C19orf18: variants seen among roughly 807,000 people sequenced by gnomAD.
The protein encoded by C19orf18 is uncharacterized protein C19orf18.
In C19orf18, 21 loss-of-function variants were observed where a neutral mutation model predicts 23.3. That is an observed-to-expected ratio of 0.90 (90% confidence interval 0.64 to 1.30). The LOEUF is 1.30. Ranked by LOEUF, C19orf18 falls within the 50% of genes most tolerant of loss-of-function variation. C19orf18 has a pLI of 0.00. For synonymous variants in C19orf18, 96 were observed against 95.2 expected, an observed-to-expected ratio of 1.01 and a Z score of -0.05; for missense variants, 249 against 259.6, an observed-to-expected ratio of 0.96 and a Z score of 0.28.
chr19:57,960,282 T>C (rs181248697), intron 5 of C19orf18, among the ~76,000 whole-genome samples: 5 of 149,202 alleles, frequency 3.4e-5, no homozygotes, highest in Non-Finnish European at 5.9e-5. Context: ...AAAAGTTAGC[T>C]GGGTGTGGTG....
intron 5 of C19orf18, among the ~76,000 whole-genome samples, chr19:57,959,310 G>A (rs1238117968): frequency 6.6e-6 from 1 of 152,174 alleles, no homozygotes; most frequent in East Asian, 1.9e-4. Flanking sequence ...GCAACATGGT[G>A]AAAACTGTCT....
intron 5 of C19orf18, 117 bp downstream of exon 5, chr19:57,961,274 G>T (rs1327547719): frequency 2.2e-5 from 24 of 1,102,810 alleles, no homozygotes; most frequent in Middle Eastern, 6.1e-4. Flanking sequence ...AAGAAAGAAA[G>T]AAAGGAAAGA....
At chr19:57,973,198 C>A (rs2072958748) in intron 2 of C19orf18, among the ~76,000 whole-genome samples, 1 of 137,194 alleles carries the variant, frequency 7.3e-6, no homozygotes, top group Non-Finnish European at 1.5e-5. Flanking sequence ...ATCAGAGAGC[C>A]AGGCAGAGAG....
chr19:57,964,326 G>A (rs1217378042), intron 4 of C19orf18, among the ~76,000 whole-genome samples: 3 of 152,308 alleles, frequency 2.0e-5, no homozygotes, highest in East Asian at 3.9e-4. Context: ...CTGTCGCCCA[G>A]GAGGAAGTGC....
At position 57,966,549 on chromosome 19, in the gene C19orf18, C is replaced by T. The variant is rs751171059; in HGVS notation, c.352G>A (p.Ala118Thr). The T allele has an allele frequency of 5.6e-6, 9 of 1,608,080 alleles. No individual in the cohort carries two copies. Among genetic ancestry groups the T allele is most frequent in the Non-Finnish European group, 7.7e-6 (9 of 1,174,918 alleles). Residue 118 changes from alanine to threonine, a missense_variant, in exon 4 of 6, where the codon GCA becomes ACA. Ala to Thr is a moderately conservative substitution (Grantham distance 58). Transcript: ENST00000314391. ...AFSIALICGMAISYMIYRLAQ... is the reference protein window; with the variant it reads ...AFSIALICGMTISYMIYRLAQ... ...ACTTACTATATCATATAGGAGATTG[C>T]CATCCCACATATCAGGGCAATGCTG...
At chr19:57,965,938 C>T (rs1203681304) in intron 4 of C19orf18, among the ~76,000 whole-genome samples, 1 of 151,706 alleles carries the variant, frequency 6.6e-6, no homozygotes, top group Non-Finnish European at 1.5e-5. Context: ...GTTTAAAAAT[C>T]AGCCTTTTAC....
chr19:57,963,613 C>A (rs1376212308), intron 4 of C19orf18, among the ~76,000 whole-genome samples: 1 of 152,072 alleles, frequency 6.6e-6, no homozygotes, highest in African/African-American at 2.4e-5. Context: ...CTAGGCCAAG[C>A]ACAGTGGCTC....
In C19orf18 at chr19:57,966,559, T is replaced by C. The variant is rs1187099443; in HGVS notation, c.342A>G (p.Ile114Met). The change falls in exon 4 of 6, where the codon ATA becomes ATG. Residue 114 changes from isoleucine (I) to methionine (M), a missense_variant. Physicochemically the swap from Ile to Met is conservative, Grantham distance 10. Coordinates refer to ENST00000314391, the MANE Select transcript of C19orf18 (RefSeq NM_152474.5). ...ISSVAFSIALICGMAISYMIY... is the reference protein window; with the variant it reads ...ISSVAFSIALMCGMAISYMIY... ...TCATATAGGAGATTGCCATCCCACA[T>C]ATCAGGGCAATGCTGAAGGCTACGC... 1.2e-6 allele frequency: 2 copies of C among 1,612,040 alleles called. No homozygotes were observed. The highest frequency in any genetic ancestry group is 1.1e-5 in the South Asian group (1 of 91,044).
intron 3 of C19orf18, among the ~76,000 whole-genome samples, chr19:57,969,590 A>C (rs1272246904): frequency 1.4e-5 from 2 of 147,876 alleles, no homozygotes; most frequent in African/African-American, 5.0e-5. Context: ...AAAAAAAAAA[A>C]AAAAAACCAA....
intron 4 of C19orf18, among the ~76,000 whole-genome samples, chr19:57,965,704 A>G (rs989526164): frequency 1.3e-5 from 2 of 152,124 alleles, no homozygotes; most frequent in African/African-American, 4.8e-5. Flanking sequence ...ACCAAGATCC[A>G]TACCATTACA....
chr19:57,966,640 G>GAAAGA lies in C19orf18; in HGVS notation c.269-13_269-9dup, dbSNP rs989862465. ...GTCTATGCCGAATTATTGCTAAAAA[G>GAAAGA]AAAGAAAAGAAAAGAAGTGCTCAAA... On this transcript the variant is annotated splice_polypyrimidine_tract_variant and intron_variant, in intron 3 of 5. Transcript: ENST00000314391. 2.5e-6 allele frequency: 4 copies of GAAAGA among 1,576,134 alleles called. No homozygotes were observed. Among genetic ancestry groups the GAAAGA allele is most frequent in the East Asian group, 2.2e-5 (1 of 44,670 alleles).
chr19:57,968,994 T>C (rs746381053), intron 3 of C19orf18, among the ~76,000 whole-genome samples: 6 of 152,092 alleles, frequency 3.9e-5, no homozygotes, highest in African/African-American at 7.2e-5. Flanking sequence ...TTACCAAAAC[T>C]ATTCAAATCT....
intron 2 of C19orf18, among the ~76,000 whole-genome samples, chr19:57,973,000 T>C (rs900261863): frequency 2.6e-5 from 4 of 151,484 alleles, no homozygotes; most frequent in Admixed American, 6.6e-5. Flanking sequence ...ATACAAAAAT[T>C]AGCTGGGCAT....
chr19:57,968,298 G>A (rs1568567942), intron 3 of C19orf18, among the ~76,000 whole-genome samples: 1 of 152,182 alleles, frequency 6.6e-6, no homozygotes, highest in Non-Finnish European at 1.5e-5. Flanking sequence ...CTCACCTTTG[G>A]GGTTAGGATT....
chr19:57,961,572 A>G lies in C19orf18; in HGVS notation c.372-21T>C. ...GTCGACTGGAGAATGATATAAATGA[A>G]TTTAGAAGCACAGTTTTCATGATGA... On this transcript the variant is annotated intron_variant, in intron 4 of 5. Coordinates refer to ENST00000314391, the MANE Select transcript of C19orf18 (RefSeq NM_152474.5). 5 of 1,589,852 alleles carry G rather than the reference A, an allele frequency of 3.1e-6. 1 individual carries two copies. The highest frequency in any genetic ancestry group is 4.3e-6 in the Non-Finnish European group (5 of 1,172,792).
Position 57,974,307 on chromosome 19 carries a change from G to C in C19orf18, c.121+5C>G. 1 of 1,614,150 alleles carries C rather than the reference G, an allele frequency of 6.2e-7. No individual in the cohort carries two copies. Among genetic ancestry groups the C allele is most frequent in the South Asian group, 1.1e-5 (1 of 91,084 alleles). ...GAGTCACATAAAACCAGTGGTTGAA[G>C]CTACCTGGTAAGCCTGTTATGTTTC... On this transcript the variant is annotated splice_donor_5th_base_variant and intron_variant, in intron 1 of 5. Transcript: ENST00000314391.
At chr19:57,973,525 A>G (rs2072961329) in intron 2 of C19orf18, among the ~76,000 whole-genome samples, 1 of 152,078 alleles carries the variant, frequency 6.6e-6, no homozygotes, top group Non-Finnish European at 1.5e-5. Context: ...GGAGATCAAG[A>G]CCATCCTGGC....
intron 2 of C19orf18, 137 bp from the exon 3 acceptor site, chr19:57,972,641 T>TA (rs1289284126): frequency 2.1e-5 from 19 of 924,934 alleles, no homozygotes; most frequent in Non-Finnish European, 3.1e-5. Flanking sequence ...ATGGGATGTG[T>TA]TAATACATTC....
At chr19:57,972,216 A>G (rs950216119) in intron 3 of C19orf18, among the ~76,000 whole-genome samples, 4 of 152,238 alleles carry the variant, frequency 2.6e-5, no homozygotes, top group Admixed American at 2.0e-4. Context: ...TGTTCCACAA[A>G]GAGATCTCAG....
Sources: gnomAD v4.1 joint callset for allele counts (sites outside exome capture counted in the v4.1 genomes callset) on GRCh38, gnomAD v4.1.1 for gene constraint, MANE v1.5 for transcripts, NCBI Gene and HGNC (gene_info 2026-07-23, HGNC 2026-07-21) for gene names.